RTKN2: variants seen among roughly 807,000 people sequenced by gnomAD.
RTKN2 encodes the protein rhotekin 2, also known as rhotekin-2.
In RTKN2, 69 loss-of-function variants were observed where a neutral mutation model predicts 71.5. The observed-to-expected ratio is 0.96, with a 90% CI of 0.79 to 1.18. The LOEUF is 1.18. Ranked by LOEUF, RTKN2 falls within the 50% of genes most tolerant of loss-of-function variation. The pLI, the probability that RTKN2 is intolerant of heterozygous loss-of-function variation, is 0.00. For synonymous variants in RTKN2, 236 were observed against 236.5 expected (o/e 1.00, Z 0.02); for missense variants, 724 against 719.7 (o/e 1.01, Z -0.07).
chr10:62,213,651 ATG>A (rs1841706861), intron 9 of RTKN2, among the ~76,000 whole-genome samples: 1 of 152,166 alleles, frequency 6.6e-6, no homozygotes, highest in Non-Finnish European at 1.5e-5. Flanking sequence ...TAGGAGTTAC[ATG>A]TTGAAGTATT....
intron 2 of RTKN2, among the ~76,000 whole-genome samples, chr10:62,249,647 T>C (rs555086073): frequency 6.6e-6 from 1 of 152,332 alleles, no homozygotes; most frequent in South Asian, 2.1e-4. Flanking sequence ...AATTGGATTT[T>C]ACTCATTATT....
intron 1 of RTKN2, among the ~76,000 whole-genome samples, chr10:62,267,185 C>T (rs2133120755): frequency 6.6e-6 from 1 of 152,314 alleles, no homozygotes; most frequent in East Asian, 1.9e-4. Flanking sequence ...ACATTTCAAT[C>T]ATTTTGATTT....
chr10:62,259,356 A>C (rs144618404), intron 2 of RTKN2: 12 of 271,114 alleles, frequency 4.4e-5, no homozygotes, highest in African/African-American at 2.5e-4. Flanking sequence ...TTAATGTGAT[A>C]TTTGTGAACA....
intron 9 of RTKN2, among the ~76,000 whole-genome samples, chr10:62,213,023 T>C (rs1841694162): frequency 6.6e-6 from 1 of 152,152 alleles, no homozygotes; most frequent in South Asian, 2.1e-4. Context: ...CAAGTATTTA[T>C]CCTGCCTTTT....
chr10:62,232,197 A>T (rs1365799942), intron 6 of RTKN2, among the ~76,000 whole-genome samples: 7 of 152,230 alleles, frequency 4.6e-5, no homozygotes, highest in Non-Finnish European at 7.3e-5. Context: ...ACAGGAAAAC[A>T]GACACTCCAA....
intron 6 of RTKN2, among the ~76,000 whole-genome samples, chr10:62,225,804 C>T (rs1241016503): frequency 2.0e-4 from 29 of 142,956 alleles, no homozygotes; most frequent in African/African-American, 7.2e-4. Context: ...TTTTTTGAGA[C>T]GGAGTCTCAC....
At chr10:62,243,640 G>A (rs1842424404) in intron 3 of RTKN2, among the ~76,000 whole-genome samples, 1 of 152,082 alleles carries the variant, frequency 6.6e-6, no homozygotes, top group South Asian at 2.1e-4. Context: ...GTAGTCTTGT[G>A]CTCTTCAGAT....
Position 62,193,535 on chromosome 10 carries a change from A to T in RTKN2, c.*4373T>A. ...GCCTCTCTCTGTAAAGTATTTTTTT[A>T]ATTTTAAATATTTCTGATCACACTA... On this transcript the variant is annotated 3_prime_UTR_variant, in exon 12 of 12. Transcript: ENST00000373789. 1 of 981,682 alleles carries T rather than the reference A, an allele frequency of 1.0e-6. No homozygotes were observed. Among genetic ancestry groups the T allele is most frequent in the South Asian group, 4.7e-5 (1 of 21,222 alleles). 60.8% of individuals were successfully genotyped at this position (981,682 alleles called of 1,614,324 possible). A position where few individuals can be genotyped will look rare whatever the true frequency, so the allele number is the denominator to read the frequency against.
rs773243129 is a variant in RTKN2 at position 62,194,736 on chromosome 10, A to G, written c.*3172T>C. On this transcript the variant is annotated 3_prime_UTR_variant, in exon 12 of 12. Transcript: ENST00000373789. ...GGGCTGAGGTGCTGAACATAAGCCT[A>G]AAGAAATACTTGACTGCTTAACCTA... The G allele has an allele frequency of 2.0e-6, 2 of 985,416 alleles. No homozygotes were observed. The highest frequency in any genetic ancestry group is 2.4e-6 in the Non-Finnish European group (2 of 829,906). The allele number at this position is 985,416 out of a possible 1,614,324, so 61.0% of individuals were successfully genotyped here. A position where few individuals can be genotyped will look rare whatever the true frequency, so the allele number is the denominator to read the frequency against.
Position 62,196,902 on chromosome 10 carries a change from A to G in RTKN2, c.*1006T>C, listed in dbSNP as rs1326115807. 2.0e-6 allele frequency: 2 copies of G among 983,834 alleles called. No individual in the cohort carries two copies. Among genetic ancestry groups the G allele is most frequent in the Non-Finnish European group, 2.4e-6 (2 of 828,680 alleles). 60.9% of individuals were successfully genotyped at this position (983,834 alleles called of 1,614,324 possible). ...GTTTGGGTCACTATGATTAGTTGCT[A>G]TGGAAATTACCTCCTATGGAAATGA... On this transcript the variant is annotated 3_prime_UTR_variant, in exon 12 of 12. Coordinates refer to ENST00000373789, the MANE Select transcript of RTKN2 (RefSeq NM_145307.4).
At chr10:62,210,997 C>G (rs1483419116) in intron 9 of RTKN2, among the ~76,000 whole-genome samples, 1 of 152,048 alleles carries the variant, frequency 6.6e-6, no homozygotes, top group African/African-American at 2.4e-5. Context: ...TATCCAAAGT[C>G]TACTACACTA....
intron 6 of RTKN2, among the ~76,000 whole-genome samples, chr10:62,224,774 G>A (rs1201950564): frequency 2.0e-5 from 3 of 151,998 alleles, no homozygotes; most frequent in African/African-American, 4.8e-5. Context: ...AGCAAAGAAT[G>A]CAGGAAAACA....
intron 7 of RTKN2, among the ~76,000 whole-genome samples, chr10:62,219,334 C>G (rs867989716): frequency 6.6e-6 from 1 of 152,102 alleles, no homozygotes; most frequent in East Asian, 1.9e-4. Context: ...GGAAGAGGAG[C>G]CTGACATCGA....
chr10:62,225,195 A>G (rs1335998640), intron 6 of RTKN2, among the ~76,000 whole-genome samples: 1 of 152,192 alleles, frequency 6.6e-6, no homozygotes, highest in Admixed American at 6.5e-5. Flanking sequence ...GAGGCTGACA[A>G]AATAATTTAT....
At chr10:62,249,306 G>A (rs111945636) in intron 2 of RTKN2, among the ~76,000 whole-genome samples, 7,039 of 135,464 alleles carry the variant, frequency 0.052, 178 homozygotes, top group African/African-American at 0.063. Flanking sequence ...GATTAGTATT[G>A]TTTTTACAAA....
intron 2 of RTKN2, among the ~76,000 whole-genome samples, chr10:62,257,557 C>T (rs1371554931): frequency 1.3e-5 from 2 of 152,026 alleles, no homozygotes; most frequent in Non-Finnish European, 2.9e-5. Context: ...TGTGAAAATC[C>T]AAGAACTATT....
intron 9 of RTKN2, among the ~76,000 whole-genome samples, chr10:62,207,111 T>G (rs1281752544): frequency 6.6e-6 from 1 of 152,122 alleles, no homozygotes; most frequent in Non-Finnish European, 1.5e-5. Flanking sequence ...ACTTTTTGTA[T>G]AAAGGATTAA....
intron 3 of RTKN2, among the ~76,000 whole-genome samples, chr10:62,245,559 A>G (rs1842462695): frequency 6.6e-6 from 1 of 152,188 alleles, no homozygotes; most frequent in South Asian, 2.1e-4. Context: ...GCCAAGCACC[A>G]TGCTAGCTTC....
intron 7 of RTKN2, among the ~76,000 whole-genome samples, chr10:62,219,230 C>T (rs908977855): frequency 1.0e-4 from 11 of 109,592 alleles, no homozygotes; most frequent in African/African-American, 3.6e-4. Context: ...CAGGAGGTAT[C>T]AGCACCTGAA....
Sources: allele counts gnomAD v4.1 joint callset (sites outside exome capture counted in the v4.1 genomes callset), GRCh38; gene constraint gnomAD v4.1.1; transcripts MANE v1.5; gene names NCBI Gene and HGNC (gene_info 2026-07-23, HGNC 2026-07-21).